TMEFF2: variants seen among roughly 807,000 people sequenced by gnomAD.
The protein encoded by TMEFF2 is tomoregulin-2.
A neutral mutation model predicts 53.8 loss-of-function variants in TMEFF2; 28 were observed. The ratio of observed to expected loss-of-function variants is 0.52; its 90% CI spans 0.39 to 0.71. The LOEUF is 0.71. Ranked by LOEUF, TMEFF2 falls within the 30% of genes least tolerant of loss-of-function variation. The probability of loss-of-function intolerance (pLI) is 0.00; values close to 1 mark genes in which losing one functional copy is unlikely to be tolerated. For synonymous variants in TMEFF2, 162 were observed against 166.3 expected (o/e 0.97, Z 0.20); for missense variants, 353 against 455.2 (o/e 0.78, Z 2.04).
intron 7 of TMEFF2, among the ~76,000 whole-genome samples, chr2:191,969,364 T>C (rs1173553528): frequency 6.6e-6 from 1 of 152,026 alleles, no homozygotes; most frequent in East Asian, 1.9e-4. Context: ...GAAATGTCCA[T>C]AAAGGTACAA....
chr2:191,981,611 A>G (rs1685852397), intron 7 of TMEFF2, among the ~76,000 whole-genome samples: 1 of 152,128 alleles, frequency 6.6e-6, no homozygotes, highest in Non-Finnish European at 1.5e-5. Flanking sequence ...TTAATGCTTT[A>G]TTTTCTATTT....
intron 5 of TMEFF2, among the ~76,000 whole-genome samples, chr2:192,056,904 T>TA (rs1687923860): frequency 6.6e-6 from 1 of 152,220 alleles, no homozygotes; most frequent in African/African-American, 2.4e-5. Context: ...TATCAGACAC[T>TA]AAATCTGCCT....
At chr2:192,055,512 C>T (rs1394241974) in intron 5 of TMEFF2, among the ~76,000 whole-genome samples, 1 of 152,066 alleles carries the variant, frequency 6.6e-6, no homozygotes, top group Non-Finnish European at 1.5e-5. Context: ...TGGTAGCTCA[C>T]ACCTGTAATT....
chr2:192,188,109 A>G (rs1691359934), intron 2 of TMEFF2, among the ~76,000 whole-genome samples: 1 of 152,220 alleles, frequency 6.6e-6, no homozygotes, highest in Non-Finnish European at 1.5e-5. Flanking sequence ...AAAGATTAAA[A>G]AAATCTGCAT....
At chr2:192,094,024 T>C (rs1360483912) in intron 4 of TMEFF2, among the ~76,000 whole-genome samples, 1 of 152,180 alleles carries the variant, frequency 6.6e-6, no homozygotes, top group Admixed American at 6.6e-5. Flanking sequence ...TGTTTATAGA[T>C]TCACAGTATT....
chr2:191,972,309 T>C (rs112718284), intron 7 of TMEFF2, among the ~76,000 whole-genome samples: 1,024 of 100,240 alleles, frequency 0.01, 25 homozygotes, highest in African/African-American at 0.043. Flanking sequence ...CATGCCCAGC[T>C]TTTTTTTTTT....
At chr2:192,048,046 A>G (rs116584408) in intron 5 of TMEFF2, among the ~76,000 whole-genome samples, 2,010 of 152,298 alleles carry the variant, frequency 0.013, 56 homozygotes, top group African/African-American at 0.045. Flanking sequence ...CAGTTAACAT[A>G]CTGTCTAATC....
At chr2:192,145,281 T>G (rs2105994024) in intron 4 of TMEFF2, among the ~76,000 whole-genome samples, 1 of 152,124 alleles carries the variant, frequency 6.6e-6, no homozygotes, top group African/African-American at 2.4e-5. Flanking sequence ...TGATTATGTA[T>G]TCTATAAATT....
intron 4 of TMEFF2, among the ~76,000 whole-genome samples, chr2:192,155,304 T>A (rs1412981302): frequency 6.6e-6 from 1 of 152,018 alleles, no homozygotes; most frequent in East Asian, 1.9e-4. Flanking sequence ...CCTTGTCACT[T>A]TGGCTAATCA....
chr2:192,166,409 A>G (rs868029780), intron 4 of TMEFF2, among the ~76,000 whole-genome samples: 19 of 152,168 alleles, frequency 1.2e-4, no homozygotes, highest in African/African-American at 4.6e-4. Context: ...AGAATTATGT[A>G]ATGGAAAATG....
chr2:192,018,745 C>T (rs1329463913), intron 5 of TMEFF2, among the ~76,000 whole-genome samples: 2 of 152,034 alleles, frequency 1.3e-5, no homozygotes, highest in African/African-American at 4.8e-5. Context: ...ATTTTAAATT[C>T]GTGAATTTGA....
At chr2:192,127,113 C>T (rs1024499314) in intron 4 of TMEFF2, among the ~76,000 whole-genome samples, 2 of 152,160 alleles carry the variant, frequency 1.3e-5, no homozygotes, top group Non-Finnish European at 2.9e-5. Context: ...GGCTTTCTGA[C>T]AGATGAGAGT....
Position 192,194,551 on chromosome 2 carries a change from C to T in TMEFF2, c.-27G>A. On this transcript the variant is annotated 5_prime_UTR_variant, in exon 1 of 10. Coordinates refer to ENST00000272771, the MANE Select transcript of TMEFF2 (RefSeq NM_016192.4). The surrounding 1 kb of genome is among the most constrained non-coding windows in gnomAD (Gnocchi z 4.2). ...ACTAGTTCGTGCAACTCTGCAGCAG[C>T]AAACGGCTTCCGAGGAACACAGGAT... 6.2e-7 allele frequency: 1 copy of T among 1,602,724 alleles called. No individual in the cohort carries two copies. Among genetic ancestry groups the T allele is most frequent in the South Asian group, 1.1e-5 (1 of 90,462 alleles).
chr2:192,087,606 T>C (rs1423397554), intron 4 of TMEFF2, among the ~76,000 whole-genome samples: 1 of 152,144 alleles, frequency 6.6e-6, no homozygotes, highest in African/African-American at 2.4e-5. Flanking sequence ...CTCAAGCATG[T>C]TACCACAGTG....
At chr2:192,077,181 C>T (rs1181741371) in intron 4 of TMEFF2, among the ~76,000 whole-genome samples, 1 of 152,064 alleles carries the variant, frequency 6.6e-6, no homozygotes, top group Non-Finnish European at 1.5e-5. Context: ...TTAGCAAATG[C>T]ACTTAAGAAT....
chr2:192,162,461 A>G (rs1254465995), intron 4 of TMEFF2, among the ~76,000 whole-genome samples: 1 of 152,194 alleles, frequency 6.6e-6, no homozygotes, highest in African/African-American at 2.4e-5. Context: ...AAGATTTACA[A>G]CTTTAGCAAA....
intron 7 of TMEFF2, among the ~76,000 whole-genome samples, chr2:191,974,411 T>C (rs1015852973): frequency 5.9e-5 from 9 of 152,132 alleles, no homozygotes; most frequent in African/African-American, 2.2e-4. Flanking sequence ...ATGTGGTTTT[T>C]TTTTGGAGGA....
chr2:192,137,786 T>C, intron 4 of TMEFF2, among the ~76,000 whole-genome samples: 1 of 148,506 alleles, frequency 6.7e-6, no homozygotes, highest in East Asian at 2.0e-4. Context: ...TATTTATATA[T>C]ATATGTAATA....
chr2:192,055,042 T>C (rs1687868399), intron 5 of TMEFF2, among the ~76,000 whole-genome samples: 1 of 151,802 alleles, frequency 6.6e-6, no homozygotes, highest in Admixed American at 6.6e-5. Flanking sequence ...ACTAGGAAAA[T>C]TAAAATTCTT....
Sources: allele counts gnomAD v4.1 joint callset (sites outside exome capture counted in the v4.1 genomes callset), GRCh38; gene constraint gnomAD v4.1.1; non-coding constraint Gnocchi (gnomAD v3.1); transcripts MANE v1.5; gene names NCBI Gene and HGNC (gene_info 2026-07-23, HGNC 2026-07-21).